The following PSD3 variants were observed in gnomAD, a reference collection of about 807,000 sequenced individuals.
PSD3 encodes PH and SEC7 domain-containing protein 3.
Under a neutral mutation model 105.5 loss-of-function variants are expected in PSD3, and 49 were observed. The ratio of observed to expected loss-of-function variants is 0.46; its 90% confidence interval spans 0.37 to 0.59. The LOEUF is 0.59. PSD3 is among the 20% of genes least tolerant of loss of function. PSD3 has a pLI of 0.00. For missense variants in PSD3, 1,561 were observed against 1,263.8 expected (o/e 1.24, Z -3.57); for synonymous variants, 557 against 457.8 (o/e 1.22, Z -2.77).
chr8:18,954,409 G>T (rs1041194195), intron 1 of PSD3, among the ~76,000 whole-genome samples: 16 of 152,040 alleles, frequency 1.1e-4, no homozygotes, highest in African/African-American at 3.6e-4. Flanking sequence ...TATGGAAAAA[G>T]TATATCAGTT....
chr8:18,995,808 T>C (rs1315754180), intron 1 of PSD3, among the ~76,000 whole-genome samples: 2 of 151,818 alleles, frequency 1.3e-5, no homozygotes, highest in African/African-American at 4.8e-5. Flanking sequence ...TTATTCACCA[T>C]CAATAGAAAC....
chr8:19,017,146 A>C (rs1563511985), upstream of PSD3, among the ~76,000 whole-genome samples: 1 of 146,790 alleles, frequency 6.8e-6, no homozygotes, highest in Non-Finnish European at 1.5e-5. Context: ...TCTACCTCCC[A>C]GACTCAAGTA....
At chr8:18,694,364 A>C (rs1801144399) in intron 9 of PSD3, among the ~76,000 whole-genome samples, 1 of 152,214 alleles carries the variant, frequency 6.6e-6, no homozygotes, top group Non-Finnish European at 1.5e-5. Context: ...TAATCCCAGC[A>C]CTTTAGAAGG....
chr8:18,798,290 T>C (rs1305300385), intron 8 of PSD3, among the ~76,000 whole-genome samples: 2 of 152,160 alleles, frequency 1.3e-5, no homozygotes, highest in African/African-American at 4.8e-5. Context: ...CTCTTATATA[T>C]GGCAAAAGGA....
chr8:18,581,268 A>C (rs1042346241), intron 12 of PSD3, among the ~76,000 whole-genome samples: 4 of 152,308 alleles, frequency 2.6e-5, no homozygotes, highest in Admixed American at 1.3e-4. Context: ...CATATGAACT[A>C]TTAGTATTAT....
rs1363140368 is a variant in PSD3 at position 18,872,671 on chromosome 8, T to C, written c.193A>G (p.Thr65Ala). The change falls in exon 3 of 16, where the codon ACC (threonine) becomes GCC (alanine). Residue 65 changes from threonine (T) to alanine (A), a missense_variant. Transcript: ENST00000327040. ...AGGCCTTCTCCACCTTCCTCCATGG[T>C]CCCATATTCTGGAAATTCATTTGTG... is the stretch of plus-strand genomic sequence containing the variant. Reference protein sequence around the residue: ...NVTNEFPEYGTMEEGGEGLRA... With the variant: ...NVTNEFPEYGAMEEGGEGLRA... The C allele has an allele frequency of 2.5e-6, 4 of 1,597,482 alleles. No individual in the cohort carries two copies. In the South Asian group the frequency reaches 4.5e-5, roughly 18 times the overall value.
chr8:19,021,467 C>A (rs996049219), intron 1 of PSD3, among the ~76,000 whole-genome samples: 4 of 150,800 alleles, frequency 2.7e-5, no homozygotes, highest in Middle Eastern at 3.4e-3. Context: ...TAAATAATGA[C>A]GTCTGGAATT....
intron 2 of PSD3, among the ~76,000 whole-genome samples, chr8:18,892,098 T>C (rs1447165853): frequency 6.6e-6 from 1 of 152,078 alleles, no homozygotes; most frequent in African/African-American, 2.4e-5. Context: ...TCTTTTACAT[T>C]ATTTGCACTT....
chr8:18,618,760 A>T (rs1805889535), intron 11 of PSD3, among the ~76,000 whole-genome samples: 1 of 151,886 alleles, frequency 6.6e-6, no homozygotes, highest in Admixed American at 6.6e-5. Flanking sequence ...GGCTCACTGC[A>T]GACTTAACAT....
chr8:18,546,202 C>T (rs911261485), intron 15 of PSD3, among the ~76,000 whole-genome samples: 14 of 152,098 alleles, frequency 9.2e-5, no homozygotes, highest in Admixed American at 3.3e-4. Context: ...TTGCCATGTT[C>T]GCCATGCTGG....
chr8:18,665,640 G>A (rs1009119164), intron 9 of PSD3, among the ~76,000 whole-genome samples: 1 of 152,230 alleles, frequency 6.6e-6, no homozygotes, highest in Non-Finnish European at 1.5e-5. Flanking sequence ...GTTCTACTGT[G>A]GGTAAAATGC....
chr8:18,885,825 G>C (rs920008530), intron 2 of PSD3, among the ~76,000 whole-genome samples: 1 of 152,102 alleles, frequency 6.6e-6, no homozygotes. Flanking sequence ...CTATAAAAGC[G>C]ACACTTTTAA....
At chr8:18,692,347 C>G (rs1009375814) in intron 9 of PSD3, among the ~76,000 whole-genome samples, 2 of 152,078 alleles carry the variant, frequency 1.3e-5, no homozygotes, top group Non-Finnish European at 2.9e-5. Context: ...AAGAGAATCA[C>G]AAGGTACTGC....
chr8:18,604,403 T>A (rs536715961), intron 11 of PSD3, among the ~76,000 whole-genome samples: 106 of 152,274 alleles, frequency 7.0e-4, no homozygotes, highest in Non-Finnish European at 1.2e-3. Context: ...GCAGGAAAAG[T>A]GCTCAAGATG....
At chr8:18,911,010 G>A (rs567215782) in intron 2 of PSD3, among the ~76,000 whole-genome samples, 5 of 152,202 alleles carry the variant, frequency 3.3e-5, no homozygotes, top group African/African-American at 1.2e-4. Flanking sequence ...CAGGAGGCTG[G>A]GGTGGAAGGA....
At chr8:19,029,497 C>T (rs969144713) in intron 1 of PSD3, among the ~76,000 whole-genome samples, 3 of 152,114 alleles carry the variant, frequency 2.0e-5, no homozygotes, top group African/African-American at 7.2e-5. Context: ...ACAATCATGG[C>T]GGAAGGGGAA....
rs192770316 is a variant in PSD3, at chr8:18,742,594, G to A, written c.2172+22855C>T. Among the ~76,000 whole-genome samples the A allele has an allele frequency of 5.3e-4, 80 of 152,090 alleles. 1 individual carries two copies. The highest frequency in any genetic ancestry group is 8.4e-4 in the Non-Finnish European group (57 of 67,996). On this transcript the variant is annotated intron_variant, in intron 9 of 15. Transcript: ENST00000327040. ...TTTTGTGAAGGTATTAGTGAATTCC[G>A]GATCCCCCTGTAACTCAGTTGGCCC...
intron 10 of PSD3, among the ~76,000 whole-genome samples, chr8:18,652,985 G>A (rs879328659): frequency 3.3e-5 from 5 of 152,184 alleles, no homozygotes; most frequent in Admixed American, 6.5e-5. Flanking sequence ...ATGTACATCA[G>A]GTTTTTAAAT....
At chr8:18,848,993 C>A (rs545325257) in intron 4 of PSD3, among the ~76,000 whole-genome samples, 10 of 152,294 alleles carry the variant, frequency 6.6e-5, no homozygotes, top group African/African-American at 2.4e-4. Context: ...AGATTTGCTT[C>A]CAAAGGTCAA....
Sources: gnomAD v4.1 joint callset for allele counts (sites outside exome capture counted in the v4.1 genomes callset) on GRCh38, gnomAD v4.1.1 for gene constraint, MANE v1.5 for transcripts, NCBI Gene and HGNC (gene_info 2026-07-23, HGNC 2026-07-21) for gene names.